CSF1R: variants seen among roughly 807,000 people sequenced by gnomAD.
The protein encoded by CSF1R is colony stimulating factor 1 receptor.
A neutral mutation model predicts 110.0 loss-of-function variants in CSF1R; 40 were observed. The observed-to-expected ratio is 0.36, with a 90% CI of 0.28 to 0.47. The LOEUF is 0.47. CSF1R is among the 20% of genes least tolerant of loss of function. The pLI is 0.99. For synonymous variants in CSF1R, 523 were observed against 503.4 expected, an observed-to-expected ratio of 1.04 and a Z score of -0.52; for missense variants, 1,052 against 1,253.0, an observed-to-expected ratio of 0.84 and a Z score of 2.42.
intron 1 of CSF1R, among the ~76,000 whole-genome samples, chr5:150,097,371 G>A (rs777195592): frequency 2.0e-5 from 3 of 146,904 alleles, no homozygotes; most frequent in Non-Finnish European, 3.0e-5. Flanking sequence ...GAGAGAAAGA[G>A]AAGGAAAGAA....
At chr5:150,103,307 T>C (rs1759458269) in intron 1 of CSF1R, among the ~76,000 whole-genome samples, 1 of 152,226 alleles carries the variant, frequency 6.6e-6, no homozygotes, top group African/African-American at 2.4e-5. Context: ...TGCTTCCCTA[T>C]CTGGCCCAGA....
chr5:150,080,689 T>TA (rs1581323348), intron 2 of CSF1R, 78 bp downstream of exon 2: 6 of 1,561,356 alleles, frequency 3.8e-6, no homozygotes, highest in Non-Finnish European at 4.4e-6. Context: ...GCTGAATTGT[T>TA]ACGATTGTTA....
At chr5:150,104,576 T>C (rs982201352) in intron 1 of CSF1R, among the ~76,000 whole-genome samples, 1 of 152,216 alleles carries the variant, frequency 6.6e-6, no homozygotes, top group African/African-American at 2.4e-5. Flanking sequence ...CAGTGCTCTT[T>C]GGAATTTTCT....
chr5:150,088,123 G>A (rs1758916726), upstream of CSF1R, among the ~76,000 whole-genome samples: 1 of 152,152 alleles, frequency 6.6e-6, no homozygotes, highest in Admixed American at 6.5e-5. Context: ...TGTGTGTGGT[G>A]TGTATGTGTG....
intron 1 of CSF1R, among the ~76,000 whole-genome samples, chr5:150,105,361 A>AT (rs35307075): frequency 4.7e-3 from 456 of 96,186 alleles, no homozygotes; most frequent in African/African-American, 6.0e-3. Flanking sequence ...AAAAAAAAAA[A>AT]AAATATATAT....
chr5:150,102,745 G>T (rs1288646166), intron 1 of CSF1R, among the ~76,000 whole-genome samples: 2 of 152,236 alleles, frequency 1.3e-5, no homozygotes, highest in African/African-American at 4.8e-5. Flanking sequence ...CTCCCAAAGT[G>T]CTGGGATTAT....
At chr5:150,070,397 C>T in intron 7 of CSF1R, 59 bp downstream of exon 7, 1 of 1,574,026 alleles carries the variant, frequency 6.4e-7, no homozygotes, top group Non-Finnish European at 8.6e-7. Context: ...CAGTCAACCC[C>T]ATCCCTCCAG....
At chr5:150,074,325 T>TTTTTG (rs1554103234) in intron 5 of CSF1R, among the ~76,000 whole-genome samples, 3 of 149,148 alleles carry the variant, frequency 2.0e-5, no homozygotes, top group Non-Finnish European at 4.4e-5. Flanking sequence ...TTTTTTTTTT[T>TTTTTG]GAAACAGAGT....
Position 150,080,818 on chromosome 5 carries a change from C to T in CSF1R, c.256G>A (p.Glu86Lys). The T allele has an allele frequency of 6.2e-7, 1 of 1,614,094 alleles. No homozygotes were observed. The highest frequency in any genetic ancestry group is 8.5e-7 in the Non-Finnish European group (1 of 1,180,010). ...FQNTGTYRCT[E>K]PGDPLGGSAA... is the part of the protein sequence containing the mutation. ...CTGCCTCCCAGGGGGTCTCCAGGCT[C>T]AGTGCAGCGATAGGTCCCCGTGTTT... is the stretch of plus-strand genomic sequence containing the variant. Residue 86 changes from glutamate to lysine, a missense_variant, in exon 2 of 21, where the codon GAG becomes AAG. Glu to Lys is a moderately conservative substitution (Grantham distance 56). Around this residue, in one of 5 missense-constraint regions of CSF1R, gnomAD observed 693 missense variants for 735.4 expected, o/e 0.94. Coordinates refer to ENST00000675795, the MANE Select transcript of CSF1R (RefSeq NM_001288705.3).
chr5:150,105,384 A>ATATAT (rs1325691091), intron 1 of CSF1R, among the ~76,000 whole-genome samples: 11 of 84,252 alleles, frequency 1.3e-4, no homozygotes, highest in Admixed American at 3.1e-4. Flanking sequence ...ATATATATAT[A>ATATAT]TTTTTTTTTT....
intron 13 of CSF1R, among the ~76,000 whole-genome samples, chr5:150,060,495 G>A (rs1207573028): frequency 1.3e-5 from 2 of 152,172 alleles, no homozygotes; most frequent in East Asian, 3.9e-4. Flanking sequence ...GGCACCTTTG[G>A]GGGCCCTGGG....
chr5:150,064,247 G>A (rs966516013), intron 10 of CSF1R, among the ~76,000 whole-genome samples: 3 of 152,238 alleles, frequency 2.0e-5, no homozygotes, highest in Admixed American at 6.5e-5. Flanking sequence ...TCAGCATCAC[G>A]AAACATACGC....
chr5:150,055,739 G>C (rs1054037281), intron 18 of CSF1R, among the ~76,000 whole-genome samples: 1 of 152,170 alleles, frequency 6.6e-6, no homozygotes, highest in East Asian at 1.9e-4. Context: ...CATCTTCAAG[G>C]GTCTGTAGAT....
intron 10 of CSF1R, among the ~76,000 whole-genome samples, chr5:150,063,237 G>A (rs930446257): frequency 6.6e-5 from 10 of 152,164 alleles, no homozygotes; most frequent in Admixed American, 1.3e-4. Context: ...GAACTCGTGA[G>A]CTCAAGCAGT....
chr5:150,057,819 C>T (rs1472685422), intron 14 of CSF1R, among the ~76,000 whole-genome samples: 1 of 152,220 alleles, frequency 6.6e-6, no homozygotes. Flanking sequence ...TGAGAAAGTT[C>T]TTCACTGTTC....
In CSF1R at chr5:150,057,606, AG is replaced by A. The variant is rs1185511737; in HGVS notation, c.2133-15del. ...AAGCCACTGTCCCTACATAGGAGAG[AG>A]GGTTGGGGGGCAGAGGTCACTCATC... is the stretch of plus-strand genomic sequence containing the variant. On this transcript the variant is annotated splice_polypyrimidine_tract_variant and intron_variant, in intron 14 of 20. Transcript: ENST00000675795. 6.2e-7 allele frequency: 1 copy of A among 1,608,328 alleles called. No homozygotes were observed. The highest frequency in any genetic ancestry group is 1.1e-5 in the South Asian group (1 of 90,982).
intron 1 of CSF1R, among the ~76,000 whole-genome samples, chr5:150,107,391 G>A (rs1215150448): frequency 6.6e-6 from 1 of 152,140 alleles, no homozygotes; most frequent in Admixed American, 6.5e-5. Flanking sequence ...CATTAACACA[G>A]GGGCATGAAG....
intron 6 of CSF1R, among the ~76,000 whole-genome samples, chr5:150,071,768 C>G (rs941932693): frequency 6.6e-6 from 1 of 152,142 alleles, no homozygotes; most frequent in African/African-American, 2.4e-5. Flanking sequence ...GACCAGCCCC[C>G]TCCAAAGGGC....
In CSF1R at chr5:150,100,455, G is replaced by A. The variant is rs1477071111; in HGVS notation, c.-181+12806C>T. ...TGGGACTAAAGGCACCCGCCACCAC[G>A]CCCAGCTAATTTCTTGTATTTTTAG... On this transcript the variant is annotated intron_variant, in intron 1 of 21. Coordinates refer to the CSF1R transcript ENST00000286301. 3.3e-5 allele frequency among the ~76,000 whole-genome samples: 5 copies of A among 151,762 alleles called. No homozygotes were observed. In the South Asian group the frequency reaches 6.3e-4, roughly 19 times the overall value.
Sources: gnomAD v4.1 joint callset for allele counts (sites outside exome capture counted in the v4.1 genomes callset) on GRCh38, gnomAD v4.1.1 for gene constraint, gnomAD v4.1.1 regional missense constraint, MANE v1.5 for transcripts, NCBI Gene and HGNC (gene_info 2026-07-23, HGNC 2026-07-21) for gene names.